MYO5A: variants seen among roughly 807,000 people sequenced by gnomAD.
MYO5A encodes the protein myosin VA, also known as unconventional myosin-Va.
A neutral mutation model predicts 249.7 loss-of-function variants in MYO5A; 98 were observed. The observed-to-expected ratio is 0.39, with a 90% CI of 0.33 to 0.46. MYO5A has a LOEUF of 0.46. Ranked by LOEUF, MYO5A falls within the 20% of genes least tolerant of loss-of-function variation. The pLI is 0.98. For synonymous variants in MYO5A, 778 were observed against 810.6 expected, an observed-to-expected ratio of 0.96 and a Z score of 0.68; for missense variants, 1,696 against 2,308.8, an observed-to-expected ratio of 0.73 and a Z score of 5.44.
At chr15:52,405,525 C>T in intron 8 of MYO5A, 132 bp from the exon 9 acceptor site, 1 of 725,256 alleles carries the variant, frequency 1.4e-6, no homozygotes. Context: ...TGTGTCATAG[C>T]TAACAACACT....
chr15:52,396,896 C>T (rs1388488178), intron 10 of MYO5A, among the ~76,000 whole-genome samples: 2 of 152,110 alleles, frequency 1.3e-5, no homozygotes, highest in African/African-American at 4.8e-5. Flanking sequence ...ATAAGGCAAA[C>T]TAGCAAATAA....
At position 52,444,953 on chromosome 15, in the gene MYO5A, A is replaced by ACCTG. The variant is rs1403784939; in HGVS notation, c.28-11672_28-11669dup. Among the ~76,000 whole-genome samples the ACCTG allele has an allele frequency of 2.6e-5, 4 of 152,346 alleles. No individual in the cohort carries two copies. In the East Asian group the frequency reaches 7.7e-4, roughly 29 times the overall value. On this transcript the variant is annotated intron_variant, in intron 1 of 41. Coordinates refer to ENST00000399233, the MANE Select transcript of MYO5A (RefSeq NM_001382347.1). ...AATATGGATAAGGTGCCAAAACAGTACCTGGGAAATAATAGACAGGTGCCG... is the reference window on the plus strand; with the variant it reads ...AATATGGATAAGGTGCCAAAACAGTACCTGCCTGGGAAATAATAGACAGGTGCCG...
chr15:52,471,002 G>A (rs1375561573), intron 1 of MYO5A, among the ~76,000 whole-genome samples: 15 of 138,674 alleles, frequency 1.1e-4, no homozygotes, highest in African/African-American at 2.7e-4. Flanking sequence ...CAGCCTGGGC[G>A]ACAGAGCAAG....
intron 28 of MYO5A, 132 bp downstream of exon 28, chr15:52,351,120 TAA>T: frequency 1.2e-6 from 1 of 809,024 alleles, no homozygotes; most frequent in Non-Finnish European, 2.1e-6. Flanking sequence ...GGGATTTTTT[TAA>T]AAAAATAATG....
chr15:52,505,872 C>A, intron 1 of MYO5A: 3 of 1,565,038 alleles, frequency 1.9e-6, no homozygotes, highest in Non-Finnish European at 2.6e-6. Flanking sequence ...AAAATCCATC[C>A]TGGATCATGG....
At chr15:52,366,913 C>T (rs1328830967) in intron 23 of MYO5A, 118 bp downstream of exon 23, 3 of 938,878 alleles carry the variant, frequency 3.2e-6, no homozygotes, top group Non-Finnish European at 5.0e-6. Context: ...TGATGACAGC[C>T]TCAACTTTTA....
At chr15:52,316,586 A>G (rs1310145552) in intron 40 of MYO5A, among the ~76,000 whole-genome samples, 1 of 152,196 alleles carries the variant, frequency 6.6e-6, no homozygotes, top group Non-Finnish European at 1.5e-5. Flanking sequence ...CCCCAGCAAT[A>G]AATATGGTGC....
At chr15:52,314,839 T>C (rs1217030117) in intron 40 of MYO5A, among the ~76,000 whole-genome samples, 2 of 152,202 alleles carry the variant, frequency 1.3e-5, no homozygotes, top group Non-Finnish European at 2.9e-5. Flanking sequence ...TCATCGTCTA[T>C]ATAAGGTAGA....
intron 5 of MYO5A, among the ~76,000 whole-genome samples, chr15:52,412,717 G>T (rs1231915709): frequency 2.0e-5 from 3 of 152,126 alleles, no homozygotes; most frequent in Non-Finnish European, 4.4e-5. Flanking sequence ...ACTTTAATCA[G>T]CAAGAAGCCA....
intron 29 of MYO5A, 63 bp from the exon 30 acceptor site, chr15:52,346,524 C>T (rs1033502785): frequency 9.4e-6 from 10 of 1,060,494 alleles, no homozygotes; most frequent in East Asian, 2.5e-5. Flanking sequence ...ACATAAAACA[C>T]ATTTATTTGG....
At chr15:52,403,947 T>A (rs528494884) in intron 9 of MYO5A, among the ~76,000 whole-genome samples, 1 of 152,306 alleles carries the variant, frequency 6.6e-6, no homozygotes, top group East Asian at 1.9e-4. Flanking sequence ...CATCTAGCTC[T>A]TGGCCCTTGG....
chr15:52,416,365 A>G (rs755829783), intron 4 of MYO5A, 64 bp from the exon 5 acceptor site: 1 of 1,540,046 alleles, frequency 6.5e-7, no homozygotes, highest in Non-Finnish European at 8.9e-7. Flanking sequence ...TTGATAAGGG[A>G]AACTATGGTC....
intron 3 of MYO5A, 95 bp from the exon 4 acceptor site, chr15:52,426,069 A>T: frequency 9.4e-7 from 1 of 1,058,222 alleles, no homozygotes; most frequent in South Asian, 1.4e-5. Context: ...AGTTAACACA[A>T]TCCTTCATTT....
intron 25 of MYO5A, among the ~76,000 whole-genome samples, chr15:52,356,402 T>C (rs945991740): frequency 1.3e-5 from 2 of 152,154 alleles, no homozygotes; most frequent in Non-Finnish European, 2.9e-5. Context: ...TTTTTCTCTA[T>C]GCATCTATAG....
chr15:52,383,083 A>G lies in MYO5A; in HGVS notation c.2012+8T>C, dbSNP rs375283430. 9.4e-6 allele frequency: 15 copies of G among 1,602,290 alleles called. No individual in the cohort carries two copies. In the African/African-American group the frequency reaches 1.9e-4, roughly 20 times the overall value. On this transcript the variant is annotated splice_region_variant and intron_variant, in intron 16 of 41. Transcript: ENST00000399233. Reference sequence around the variant, plus strand: ...TACTTTTTCACTGGGTGGTTCAGAAATACTTACGTGAATGGGAACTTGAAG... The same window carrying G: ...TACTTTTTCACTGGGTGGTTCAGAAGTACTTACGTGAATGGGAACTTGAAG...
intron 5 of MYO5A, among the ~76,000 whole-genome samples, chr15:52,413,624 C>A (rs545724176): frequency 1.3e-4 from 20 of 152,176 alleles, no homozygotes; most frequent in African/African-American, 4.8e-4. Context: ...AGTATTGAAG[C>A]GATTTAAAGC....
chr15:52,317,924 G>A (rs967977367), intron 39 of MYO5A, among the ~76,000 whole-genome samples: 3 of 152,192 alleles, frequency 2.0e-5, no homozygotes, highest in African/African-American at 7.2e-5. Context: ...AGGCAAATAG[G>A]GGCCAGCATA....
chr15:52,411,195 T>C (rs2043233016), intron 5 of MYO5A, among the ~76,000 whole-genome samples: 2 of 152,220 alleles, frequency 1.3e-5, no homozygotes, highest in Non-Finnish European at 2.9e-5. Context: ...ATAAATAAGA[T>C]GGTTAAGACC....
At chr15:52,433,354 A>ATTG in intron 1 of MYO5A, 69 bp from the exon 2 acceptor site, 1 of 800,140 alleles carries the variant, frequency 1.2e-6, no homozygotes, top group Non-Finnish European at 2.1e-6. Context: ...TAAACATATG[A>ATTG]TAACTATTTA....
Sources: allele counts gnomAD v4.1 joint callset (sites outside exome capture counted in the v4.1 genomes callset), GRCh38; gene constraint gnomAD v4.1.1; transcripts MANE v1.5; gene names NCBI Gene and HGNC (gene_info 2026-07-23, HGNC 2026-07-21).